ANKRD11: variants seen among roughly 807,000 people sequenced by gnomAD.
ANKRD11 encodes ankyrin repeat domain 11.
In ANKRD11, 17 loss-of-function variants were observed where a neutral mutation model predicts 195.7. The ratio of observed to expected loss-of-function variants is 0.09; its 90% CI spans 0.06 to 0.13. The LOEUF (loss-of-function observed/expected upper bound fraction) is 0.13, where lower values mean the gene tolerates loss of function less well. Among genes scored for constraint, ANKRD11 ranks in the 10% least tolerant of loss-of-function variants. ANKRD11 has a pLI of 1.00. For synonymous variants in ANKRD11, 1,953 were observed against 1,528.1 expected, an observed-to-expected ratio of 1.28 and a Z score of -6.49; for missense variants, 3,735 against 3,566.1, an observed-to-expected ratio of 1.05 and a Z score of -1.21.
chr16:89,410,393 G>T (rs577296600), intron 2 of ANKRD11, among the ~76,000 whole-genome samples: 3 of 152,228 alleles, frequency 2.0e-5, no homozygotes, highest in Non-Finnish European at 4.4e-5. Flanking sequence ...CCAAGGAAAT[G>T]GAGATAATAA....
At chr16:89,334,320 C>G (rs1030365084) in intron 2 of ANKRD11, among the ~76,000 whole-genome samples, 1 of 151,974 alleles carries the variant, frequency 6.6e-6, no homozygotes, top group Non-Finnish European at 1.5e-5. Context: ...GCCAATACGG[C>G]CAAGTTTCTG....
intron 1 of ANKRD11, among the ~76,000 whole-genome samples, chr16:89,478,400 A>G (rs2057330549): frequency 6.6e-6 from 1 of 152,098 alleles, no homozygotes; most frequent in Admixed American, 6.6e-5. Context: ...ATAGGAAAAA[A>G]GATCCCTCTG....
At chr16:89,335,148 G>A (rs2038282025) in intron 2 of ANKRD11, among the ~76,000 whole-genome samples, 3 of 152,192 alleles carry the variant, frequency 2.0e-5, no homozygotes, top group South Asian at 4.1e-4. Flanking sequence ...CCCATGTCCG[G>A]CCTGTGGGGG....
intron 2 of ANKRD11, among the ~76,000 whole-genome samples, chr16:89,345,980 G>A (rs1272894150): frequency 6.6e-6 from 1 of 152,146 alleles, no homozygotes; most frequent in East Asian, 1.9e-4. Context: ...ACAGGCTCAT[G>A]CCTGTAATCC....
At chr16:89,420,855 T>C (rs1007598755) in intron 1 of ANKRD11, among the ~76,000 whole-genome samples, 4 of 152,206 alleles carry the variant, frequency 2.6e-5, no homozygotes, top group Admixed American at 2.6e-4. Context: ...TAAAGACATT[T>C]TCTAAGGTGT....
rs563706919 is a variant in ANKRD11 at position 89,310,939 on chromosome 16, G to A, written c.88-5595C>T. 3.0e-4 allele frequency among the ~76,000 whole-genome samples: 45 copies of A among 152,278 alleles called. 1 individual carries two copies. Among genetic ancestry groups the A allele is most frequent in the African/African-American group, 1.1e-3 (44 of 41,494 alleles). ...AGTCTGCAGGACGATGCTGACTGCA[G>A]TGGAGATGGCCAGTGTTTCTTTGTC... is the stretch of plus-strand genomic sequence containing the variant. On this transcript the variant is annotated intron_variant, in intron 3 of 12. Transcript: ENST00000301030.
intron 11 of ANKRD11, chr16:89,272,729 A>G (rs933712398): frequency 1.3e-5 from 2 of 151,998 alleles, no homozygotes; most frequent in Non-Finnish European, 2.9e-5. Context: ...ATTTAACGCA[A>G]CCCCATTTAC....
chr16:89,326,255 CA>C (rs2037711582), intron 2 of ANKRD11, among the ~76,000 whole-genome samples: 1 of 152,154 alleles, frequency 6.6e-6, no homozygotes, highest in South Asian at 2.1e-4. Flanking sequence ...TGGAAATAAA[CA>C]CACGGAAGTG....
At chr16:89,289,928 G>A (rs2034913664) in intron 6 of ANKRD11, among the ~76,000 whole-genome samples, 1 of 152,200 alleles carries the variant, frequency 6.6e-6, no homozygotes, top group African/African-American at 2.4e-5. Flanking sequence ...CACCCGGAAG[G>A]CTGAGTTGGG....
intron 2 of ANKRD11, among the ~76,000 whole-genome samples, chr16:89,322,525 A>G (rs1185896160): frequency 6.6e-6 from 1 of 152,228 alleles, no homozygotes; most frequent in Non-Finnish European, 1.5e-5. Flanking sequence ...GGAAGACAGG[A>G]AGTCAGCAGC....
In ANKRD11 at chr16:89,285,915, G is replaced by A. The variant is rs2034613249; in HGVS notation, c.892+124C>T. 6.7e-7 allele frequency: 1 copy of A among 1,493,628 alleles called. No homozygotes were observed. The highest frequency in any genetic ancestry group is 9.2e-7 in the Non-Finnish European group (1 of 1,084,826). 92.5% of individuals were successfully genotyped at this position (1,493,628 alleles called of 1,614,324 possible). On this transcript the variant is annotated intron_variant, in intron 8 of 12. Coordinates refer to ENST00000301030, the MANE Select transcript of ANKRD11 (RefSeq NM_013275.6). This position sits in a 1 kb window ranked among gnomAD's most constrained non-coding sequence, Gnocchi z 5.6. ...GGGCGGGGTCTCCCGCAGTCCAGAA[G>A]CTCCTGTAAGCCCCCAGCATCCGAG...
intron 4 of ANKRD11, among the ~76,000 whole-genome samples, chr16:89,302,837 C>G (rs1370301101): frequency 6.6e-6 from 1 of 152,232 alleles, no homozygotes; most frequent in Non-Finnish European, 1.5e-5. Flanking sequence ...TCACCTAGGC[C>G]TGCCCCTCAC....
chr16:89,324,381 C>A, intron 2 of ANKRD11: 1 of 691,238 alleles, frequency 1.4e-6, no homozygotes, highest in Non-Finnish European at 2.3e-6. Flanking sequence ...GGCACGTGGG[C>A]GCAAAGTTCT....
In ANKRD11 at chr16:89,282,098, C is replaced by A. The variant is rs973573531; in HGVS notation, c.4444G>T (p.Asp1482Tyr). 1 of 1,613,888 alleles carries A rather than the reference C, an allele frequency of 6.2e-7. No individual in the cohort carries two copies. Among genetic ancestry groups the A allele is most frequent in the Non-Finnish European group, 8.5e-7 (1 of 1,179,988 alleles). The change falls in exon 9 of 13, where the codon GAT becomes TAT. Residue 1482 changes from aspartate to tyrosine, a missense_variant. Physicochemically the swap from Asp to Tyr is radical, Grantham distance 160. Coordinates refer to ENST00000301030, the MANE Select transcript of ANKRD11 (RefSeq NM_013275.6). ...EKERHRDRHADGLLRHHRDEL... is the reference protein window; with the variant it reads ...EKERHRDRHAYGLLRHHRDEL... Reference sequence around the variant, plus strand: ...TCCCTGTGATGCCGCAGCAGCCCATCCGCATGCCTGTCCCGGTGCCTCTCC... The same window carrying A: ...TCCCTGTGATGCCGCAGCAGCCCATACGCATGCCTGTCCCGGTGCCTCTCC...
intron 4 of ANKRD11, among the ~76,000 whole-genome samples, chr16:89,293,752 C>T (rs972321232): frequency 2.7e-5 from 4 of 149,758 alleles, no homozygotes; most frequent in African/African-American, 7.4e-5. Context: ...GGAGCTGGGG[C>T]GGTGTTGGGA....
Position 89,281,463 on chromosome 16 carries a change from G to A in ANKRD11, c.5079C>T (p.Pro1693=). Reference sequence around the variant, plus strand: ...CAGTGGGCCGGCTCTGGTCAGGCCTGGGGGACGCAGGCAGGACCTCTTTCA... The same window carrying A: ...CAGTGGGCCGGCTCTGGTCAGGCCTAGGGGACGCAGGCAGGACCTCTTTCA... ...PHMKEVLPAS[P]RPDQSRPTGV... The change falls in exon 9 of 13, where the codon CCC becomes CCT. Residue 1693 remains proline (P), a synonymous_variant. Coordinates refer to ENST00000301030, the MANE Select transcript of ANKRD11 (RefSeq NM_013275.6). The surrounding 1 kb of genome is among the most constrained non-coding windows in gnomAD (Gnocchi z 5.5). 1 of 1,614,110 alleles carries A rather than the reference G, an allele frequency of 6.2e-7. No homozygotes were observed. Among genetic ancestry groups the A allele is most frequent in the South Asian group, 1.1e-5 (1 of 91,086 alleles).
intron 1 of ANKRD11, among the ~76,000 whole-genome samples, chr16:89,448,323 A>G (rs566327322): frequency 6.6e-6 from 1 of 152,248 alleles, no homozygotes; most frequent in Non-Finnish European, 1.5e-5. Context: ...AAATGAGCAT[A>G]AACAGTCCAA....
rs1379044104 is a variant in ANKRD11 at position 89,268,898 on chromosome 16, T to TGGGGCTCACCCTGGCCC, written c.7807-252_7807-236dup. 4.6e-5 allele frequency among the ~76,000 whole-genome samples: 7 copies of TGGGGCTCACCCTGGCCC among 152,214 alleles called. No homozygotes were observed. In the South Asian group the frequency reaches 8.3e-4, roughly 18 times the overall value. On this transcript the variant is annotated intron_variant, in intron 12 of 12. Coordinates refer to ENST00000301030, the MANE Select transcript of ANKRD11 (RefSeq NM_013275.6). ...TGTCTATGCCACCTCTACCCTGGCC[T>TGGGGCTCACCCTGGCCC]GGGGCTCACCCTGGCCCGGGGGCCC...
chr16:89,439,327 C>T (rs1416267979), intron 1 of ANKRD11, among the ~76,000 whole-genome samples: 3 of 152,286 alleles, frequency 2.0e-5, no homozygotes, highest in South Asian at 4.1e-4. Context: ...GCAGACAACA[C>T]TAAATTAATG....
Sources: allele counts gnomAD v4.1 joint callset (sites outside exome capture counted in the v4.1 genomes callset), GRCh38; gene constraint gnomAD v4.1.1; non-coding constraint Gnocchi (gnomAD v3.1); transcripts MANE v1.5; gene names NCBI Gene and HGNC (gene_info 2026-07-23, HGNC 2026-07-21).